The following PLXDC2 variants were observed in gnomAD, a reference collection of about 807,000 sequenced individuals.
PLXDC2 encodes the protein plexin domain-containing protein 2.
In PLXDC2, 40 loss-of-function variants were observed where a neutral mutation model predicts 68.9. That is an observed-to-expected ratio of 0.58 (90% CI 0.45 to 0.76). PLXDC2 has a LOEUF of 0.76. PLXDC2 is among the 30% of genes least tolerant of loss of function. The pLI, the probability that PLXDC2 is intolerant of heterozygous loss-of-function variation, is 0.00. For synonymous variants in PLXDC2, 243 were observed against 234.2 expected, an observed-to-expected ratio of 1.04 and a Z score of -0.34; for missense variants, 644 against 661.9, an observed-to-expected ratio of 0.97 and a Z score of 0.30.
At chr10:19,859,949 C>G (rs955438700) in intron 1 of PLXDC2, among the ~76,000 whole-genome samples, 4 of 152,066 alleles carry the variant, frequency 2.6e-5, no homozygotes, top group South Asian at 2.1e-4. Context: ...GCAGGCTGCT[C>G]AAACTCCTGA....
chr10:20,019,168 A>C (rs1264920600), intron 2 of PLXDC2, among the ~76,000 whole-genome samples: 6 of 104,834 alleles, frequency 5.7e-5, no homozygotes, highest in Admixed American at 9.6e-5. Flanking sequence ...AAAAGAATGA[A>C]AACCAAATTG....
chr10:20,262,612 G>A (rs1331599623), intron 13 of PLXDC2, among the ~76,000 whole-genome samples: 1 of 152,192 alleles, frequency 6.6e-6, no homozygotes, highest in Non-Finnish European at 1.5e-5. Flanking sequence ...CTACCAAAAC[G>A]AAGGCCAGAC....
chr10:20,087,504 G>A (rs1322944445), intron 4 of PLXDC2, among the ~76,000 whole-genome samples: 1 of 152,128 alleles, frequency 6.6e-6, no homozygotes, highest in Non-Finnish European at 1.5e-5. Context: ...TACTGATGTT[G>A]TCCAGGGAGA....
chr10:19,881,397 T>A (rs565466110), intron 1 of PLXDC2, among the ~76,000 whole-genome samples: 1 of 152,344 alleles, frequency 6.6e-6, no homozygotes, highest in South Asian at 2.1e-4. Flanking sequence ...ATTACAGGCA[T>A]GAGCCACTGC....
At chr10:20,010,086 C>T (rs1448375669) in intron 2 of PLXDC2, among the ~76,000 whole-genome samples, 2 of 152,134 alleles carry the variant, frequency 1.3e-5, no homozygotes, top group African/African-American at 4.8e-5. Context: ...TTTGCCTGAA[C>T]TTCTGTTCCT....
intron 4 of PLXDC2, among the ~76,000 whole-genome samples, chr10:20,082,637 A>G (rs1315375702): frequency 1.3e-5 from 2 of 152,192 alleles, no homozygotes; most frequent in African/African-American, 2.4e-5. Context: ...GCTGATGACA[A>G]TGTATCGTTA....
At chr10:20,116,366 C>G (rs892478357) in intron 4 of PLXDC2, among the ~76,000 whole-genome samples, 3 of 152,144 alleles carry the variant, frequency 2.0e-5, no homozygotes, top group East Asian at 1.9e-4. Flanking sequence ...TATTACTTAT[C>G]TGTTCTCGGG....
chr10:19,869,471 G>T (rs1034365820), intron 1 of PLXDC2, among the ~76,000 whole-genome samples: 1 of 78,778 alleles, frequency 1.3e-5, no homozygotes, highest in Non-Finnish European at 3.1e-5. Context: ...GAGAGAAAGG[G>T]GGGGGGGGGA....
At chr10:20,125,173 A>G (rs951217235) in intron 4 of PLXDC2, among the ~76,000 whole-genome samples, 2 of 151,882 alleles carry the variant, frequency 1.3e-5, no homozygotes, top group African/African-American at 4.8e-5. Context: ...CCTGTTTCCT[A>G]ATATCCACTG....
At position 20,283,681 on chromosome 10, in the gene PLXDC2, CAT is replaced by C. The variant is rs1304404642; in HGVS notation, c.*3864_*3865del. 3 of 152,176 alleles carry C rather than the reference CAT, an allele frequency of 2.0e-5. No individual in the cohort carries two copies. Among genetic ancestry groups the C allele is most frequent in the African/African-American group, 7.2e-5 (3 of 41,444 alleles). 9.4% of individuals were successfully genotyped at this position (152,176 alleles called of 1,614,324 possible). A position where few individuals can be genotyped will look rare whatever the true frequency, so the allele number is the denominator to read the frequency against. ...CTTCAACTGGCTCAGTTCTTTATTG[CAT>C]AGAGCCACTTAGCTTCTCTAGTTTC... On this transcript the variant is annotated 3_prime_UTR_variant, in exon 14 of 14. Coordinates refer to ENST00000377252, the MANE Select transcript of PLXDC2 (RefSeq NM_032812.9).
At chr10:20,203,616 C>G (rs144435977) in intron 9 of PLXDC2, among the ~76,000 whole-genome samples, 1 of 151,530 alleles carries the variant, frequency 6.6e-6, no homozygotes, top group African/African-American at 2.4e-5. Flanking sequence ...CAGCCCAATA[C>G]GAATTTTTTT....
In PLXDC2 at chr10:19,835,278, G is replaced by T. The variant is rs113137445; in HGVS notation, c.112+18087G>T. Among the ~76,000 whole-genome samples, 18 of 152,278 alleles carry T rather than the reference G, an allele frequency of 1.2e-4. 1 individual carries two copies. The highest frequency in any genetic ancestry group is 4.1e-4 in the African/African-American group (17 of 41,564). On this transcript the variant is annotated intron_variant, in intron 1 of 13. Coordinates refer to ENST00000377252, the MANE Select transcript of PLXDC2 (RefSeq NM_032812.9). ...CAAACTCAGATGGGCTCTTCAAAGG[G>T]TCTCTCTAGTGTGGAGAGCAGCTAG...
At chr10:19,971,943 C>T (rs531958767) in intron 1 of PLXDC2, among the ~76,000 whole-genome samples, 3 of 152,180 alleles carry the variant, frequency 2.0e-5, no homozygotes, top group African/African-American at 7.2e-5. Flanking sequence ...GCGGCTAAAG[C>T]ACAGGGCAGA....
At chr10:20,271,196 C>T (rs116154155) in intron 13 of PLXDC2, among the ~76,000 whole-genome samples, 2,294 of 150,558 alleles carry the variant, frequency 0.015, 51 homozygotes, top group African/African-American at 0.049. Flanking sequence ...AATATACCAT[C>T]CTAGAAAGCC....
At chr10:20,049,530 T>C (rs117133533) in intron 3 of PLXDC2, among the ~76,000 whole-genome samples, 9 of 152,088 alleles carry the variant, frequency 5.9e-5, no homozygotes, top group Admixed American at 4.6e-4. Context: ...ACAAAATAAA[T>C]GTTCAGAAAT....
At chr10:20,276,951 A>T (rs961438681) in intron 13 of PLXDC2, among the ~76,000 whole-genome samples, 5 of 152,060 alleles carry the variant, frequency 3.3e-5, no homozygotes, top group Non-Finnish European at 2.9e-5. Context: ...TCTGTTAAAG[A>T]ATGTAATTTC....
At chr10:19,980,350 AAGGATC>A (rs1834532284) in intron 1 of PLXDC2, among the ~76,000 whole-genome samples, 1 of 152,206 alleles carries the variant, frequency 6.6e-6, no homozygotes, top group South Asian at 2.1e-4. Flanking sequence ...ACACATAGTC[AAGGATC>A]AGTTATGTTT....
rs543902265 is a variant in PLXDC2 at position 19,849,590 on chromosome 10, G to A, written c.112+32399G>A. The stretch of plus-strand genomic sequence containing the variant: ...TGGGCCTTTCCCCCTTTTGCTTGGC[G>A]CTTCTCCTTGCCACTGCCGTGTGAA... On this transcript the variant is annotated intron_variant, in intron 1 of 13. Coordinates refer to ENST00000377252, the MANE Select transcript of PLXDC2 (RefSeq NM_032812.9). 5.9e-5 allele frequency among the ~76,000 whole-genome samples: 9 copies of A among 152,018 alleles called. No homozygotes were observed. The South Asian group carries it at 1.7e-3, about 28-fold the overall frequency.
intron 1 of PLXDC2, among the ~76,000 whole-genome samples, chr10:19,938,771 A>C (rs1272224334): frequency 6.6e-6 from 1 of 152,328 alleles, no homozygotes; most frequent in East Asian, 1.9e-4. Flanking sequence ...TCAGCAGTAC[A>C]TGAAGGCTGA....
Sources: gnomAD v4.1 joint callset for allele counts (sites outside exome capture counted in the v4.1 genomes callset) on GRCh38, gnomAD v4.1.1 for gene constraint, MANE v1.5 for transcripts, NCBI Gene and HGNC (gene_info 2026-07-23, HGNC 2026-07-21) for gene names.